SPECC1L: variants seen among roughly 807,000 people sequenced by gnomAD.
The protein encoded by SPECC1L is cytospin-A.
In SPECC1L, 40 loss-of-function variants were observed where a neutral mutation model predicts 116.8. The observed-to-expected ratio is 0.34, with a 90% CI of 0.27 to 0.45. The LOEUF (loss-of-function observed/expected upper bound fraction) is 0.45. Among genes scored for constraint, SPECC1L ranks in the 20% least tolerant of loss-of-function variants. The probability of loss-of-function intolerance (pLI) is 1.00; values close to 1 mark genes in which losing one functional copy is unlikely to be tolerated. For missense variants in SPECC1L, 1,110 were observed against 1,373.6 expected, an observed-to-expected ratio of 0.81 and a Z score of 3.03; for synonymous variants, 504 against 500.6, an observed-to-expected ratio of 1.01 and a Z score of -0.09.
chr22:24,392,259 A>G (rs1445384802), intron 14 of SPECC1L, among the ~76,000 whole-genome samples: 3 of 152,246 alleles, frequency 2.0e-5, no homozygotes, highest in African/African-American at 7.2e-5. Flanking sequence ...AACATTTTCA[A>G]GAGCTGCCTA....
At chr22:24,337,426 G>C (rs1320457102) in intron 9 of SPECC1L, among the ~76,000 whole-genome samples, 2 of 152,162 alleles carry the variant, frequency 1.3e-5, no homozygotes, top group Non-Finnish European at 2.9e-5. Flanking sequence ...TACGCTGGCG[G>C]GACAGTGGAT....
At position 24,322,713 on chromosome 22, in the gene SPECC1L, G is replaced by A. The variant is rs201275356; in HGVS notation, c.1733G>A (p.Arg578His). Residue 578 changes from arginine (R) to histidine (H), a missense_variant, in exon 5 of 17, where the codon CGC becomes CAC. Coordinates refer to ENST00000314328, the MANE Select transcript of SPECC1L (RefSeq NM_015330.6). Reference protein sequence around the residue: ...TVASDQIEMNRLKAQLENEKQ... With the variant: ...TVASDQIEMNHLKAQLENEKQ... ...GCCAGTGACCAGATAGAGATGAATC[G>A]CCTGAAGGCTCAGCTGGAGAATGAA... The A allele has an allele frequency of 2.0e-5, 32 of 1,594,394 alleles. No homozygotes were observed. The African/African-American group carries it at 2.6e-4, about 13-fold the overall frequency.
chr22:24,413,224 A>G (rs1449480984), intron 16 of SPECC1L, among the ~76,000 whole-genome samples: 1 of 152,206 alleles, frequency 6.6e-6, no homozygotes, highest in Non-Finnish European at 1.5e-5. Context: ...CTCACAGGAC[A>G]GAAGTGTGGA....
Position 24,412,668 on chromosome 22 carries a change from T to A in SPECC1L, c.3225T>A (p.Ala1075=). 6.2e-7 allele frequency: 1 copy of A among 1,614,186 alleles called. No individual in the cohort carries two copies. The highest frequency in any genetic ancestry group is 1.1e-5 in the South Asian group (1 of 91,080). The change falls in exon 16 of 17, where the codon GCT becomes GCA. Residue 1075 remains alanine, a synonymous_variant. Transcript: ENST00000314328. ...SQDKRRNFML[A]FQAAESVGIK... ...TACAGAGAAGGAACTTCATGCTGGCTTTCCAGGCAGCTGAAAGTGTCGGCA... is the reference window on the plus strand; with the variant it reads ...TACAGAGAAGGAACTTCATGCTGGCATTCCAGGCAGCTGAAAGTGTCGGCA...
chr22:24,366,378 A>G (rs2041766797), intron 13 of SPECC1L, among the ~76,000 whole-genome samples: 1 of 152,004 alleles, frequency 6.6e-6, no homozygotes, highest in African/African-American at 2.4e-5. Context: ...TGTTTTTAGT[A>G]GAGATGGGGT....
intron 3 of SPECC1L, among the ~76,000 whole-genome samples, chr22:24,304,631 A>C (rs925488464): frequency 3.3e-5 from 5 of 152,220 alleles, no homozygotes; most frequent in African/African-American, 1.2e-4. Context: ...GTTCATGATT[A>C]GTTCTTTTGA....
rs145125256 is a variant in SPECC1L, at chr22:24,312,753, C to A, written c.154-560C>A. Among the ~76,000 whole-genome samples, 385 of 152,228 alleles carry A rather than the reference C, an allele frequency of 2.5e-3. 2 individuals carry two copies. The highest frequency in any genetic ancestry group is 8.8e-3 in the African/African-American group (365 of 41,530). On this transcript the variant is annotated intron_variant, in intron 3 of 16. Coordinates refer to ENST00000314328, the MANE Select transcript of SPECC1L (RefSeq NM_015330.6). Reference sequence around the variant, plus strand: ...AATAACGATCATTTAGACAGCAGAACCCTTTCTCAAACTGTAAAGCCTCTA... The same window carrying A: ...AATAACGATCATTTAGACAGCAGAAACCTTTCTCAAACTGTAAAGCCTCTA...
intron 14 of SPECC1L, among the ~76,000 whole-genome samples, chr22:24,374,322 C>T (rs1289992642): frequency 2.6e-5 from 4 of 152,026 alleles, no homozygotes; most frequent in Admixed American, 6.5e-5. Context: ...CACATGCACA[C>T]GTATGTTTAT....
intron 1 of SPECC1L, among the ~76,000 whole-genome samples, chr22:24,272,474 A>G (rs1200732001): frequency 6.6e-6 from 1 of 152,162 alleles, no homozygotes; most frequent in South Asian, 2.1e-4. Flanking sequence ...GGAGTTCGAT[A>G]CCAGCCTGGC....
At chr22:24,298,449 C>A (rs1235391618) in intron 2 of SPECC1L, among the ~76,000 whole-genome samples, 2 of 152,134 alleles carry the variant, frequency 1.3e-5, no homozygotes, top group Non-Finnish European at 2.9e-5. Flanking sequence ...GGGAAGCATT[C>A]TATATATAAC....
chr22:24,325,530 C>CT (rs761002054), intron 6 of SPECC1L, among the ~76,000 whole-genome samples: 102 of 147,096 alleles, frequency 6.9e-4, no homozygotes, highest in Non-Finnish European at 1.3e-3. Flanking sequence ...TTCCCTTTTA[C>CT]TTAAATGGAT....
intron 2 of SPECC1L, among the ~76,000 whole-genome samples, chr22:24,286,052 C>T (rs531574182): frequency 6.6e-6 from 1 of 152,178 alleles, no homozygotes; most frequent in African/African-American, 2.4e-5. Flanking sequence ...AAATCAGATT[C>T]GACAGGCAAC....
At chr22:24,339,302 A>G (rs1274096898) in intron 10 of SPECC1L, among the ~76,000 whole-genome samples, 1 of 152,220 alleles carries the variant, frequency 6.6e-6, no homozygotes, top group African/African-American at 2.4e-5. Context: ...ATTTTAATCC[A>G]AGCAAGTCAC....
At chr22:24,311,633 C>T (rs572336912) in intron 3 of SPECC1L, among the ~76,000 whole-genome samples, 2 of 151,978 alleles carry the variant, frequency 1.3e-5, no homozygotes, top group South Asian at 4.2e-4. Flanking sequence ...GGGAATACCC[C>T]ATCTCTACTA....
intron 2 of SPECC1L, among the ~76,000 whole-genome samples, chr22:24,284,849 G>A (rs1028108774): frequency 4.6e-5 from 7 of 152,160 alleles, no homozygotes; most frequent in East Asian, 1.9e-4. Context: ...CAGAGAGATC[G>A]GTGTCAGTCA....
chr22:24,389,589 C>T (rs915076349), intron 14 of SPECC1L, among the ~76,000 whole-genome samples: 3 of 150,780 alleles, frequency 2.0e-5, no homozygotes, highest in Middle Eastern at 3.2e-3. Flanking sequence ...TCCTAGCATG[C>T]GTCATTTTGG....
At position 24,322,753 on chromosome 22, in the gene SPECC1L, A is replaced by G. The variant is rs779415722; in HGVS notation, c.1773A>G (p.Ala591=). 6.3e-7 allele frequency: 1 copy of G among 1,581,190 alleles called. No individual in the cohort carries two copies. The highest frequency in any genetic ancestry group is 1.2e-5 in the South Asian group (1 of 84,550). ...TGGAGAATGAAAAGCAGAAAGTGGC[A>G]GAGCTGTATTCTATCCATAACTCTG... is the stretch of plus-strand genomic sequence containing the variant. The part of the protein sequence containing the change: ...AQLENEKQKV[A]ELYSIHNSGD... Residue 591 remains alanine, a synonymous_variant, in exon 5 of 17, where the codon GCA becomes GCG. Coordinates refer to ENST00000314328, the MANE Select transcript of SPECC1L (RefSeq NM_015330.6).
At chr22:24,318,785 TG>T (rs2040658099) in intron 4 of SPECC1L, among the ~76,000 whole-genome samples, 1 of 151,862 alleles carries the variant, frequency 6.6e-6, no homozygotes, top group Non-Finnish European at 1.5e-5. Flanking sequence ...AAAAATTAGC[TG>T]GGTATGGTGG....
chr22:24,386,379 C>T (rs2042160850), intron 14 of SPECC1L, among the ~76,000 whole-genome samples: 1 of 151,894 alleles, frequency 6.6e-6, no homozygotes, highest in Non-Finnish European at 1.5e-5. Context: ...TTGGCCTGGG[C>T]AACATAGTGA....
Sources: gnomAD v4.1 joint callset for allele counts (sites outside exome capture counted in the v4.1 genomes callset) on GRCh38, gnomAD v4.1.1 for gene constraint, MANE v1.5 for transcripts, NCBI Gene and HGNC (gene_info 2026-07-23, HGNC 2026-07-21) for gene names.